The following MED1 variants were observed in gnomAD, a reference collection of about 807,000 sequenced individuals.
MED1 encodes the protein mediator of RNA polymerase II transcription subunit 1.
In MED1, 17 loss-of-function variants were observed where a neutral mutation model predicts 121.3. That is an observed-to-expected ratio of 0.14 (90% CI 0.10 to 0.21). MED1 has a LOEUF of 0.21. MED1 is among the 10% of genes least tolerant of loss of function. The pLI is 1.00. For missense variants in MED1, 1,558 were observed against 1,919.4 expected, an observed-to-expected ratio of 0.81 and a Z score of 3.52; for synonymous variants, 661 against 694.4, an observed-to-expected ratio of 0.95 and a Z score of 0.76.
At position 39,410,367 on chromosome 17, in the gene MED1, A is replaced by C. The variant is rs1283588211; in HGVS notation, c.1854T>G (p.Ile618Met). ...GATGAGGAGGGGTCGGACTCGAGCCAATGGTAGACCCCCCGTTCCCTGTGA... is the reference window on the plus strand; with the variant it reads ...GATGAGGAGGGGTCGGACTCGAGCCCATGGTAGACCCCCCGTTCCCTGTGA... The part of the protein sequence containing the change: ...LQITGNGGST[I>M]GSSPTPPHHT... Residue 618 changes from isoleucine (I) to methionine (M), a missense_variant, in exon 17 of 17, where the codon ATT becomes ATG. Coordinates refer to ENST00000300651, the MANE Select transcript of MED1 (RefSeq NM_004774.4). 4 of 1,613,998 alleles carry C rather than the reference A, an allele frequency of 2.5e-6. No individual in the cohort carries two copies. In the East Asian group the frequency reaches 8.9e-5, roughly 36 times the overall value.
At chr17:39,435,750 C>T (rs2048612266) in intron 6 of MED1, among the ~76,000 whole-genome samples, 1 of 151,956 alleles carries the variant, frequency 6.6e-6, no homozygotes, top group African/African-American at 2.4e-5. Context: ...GGCTGGAGTC[C>T]GATGGCGATG....
chr17:39,418,085 C>CAAAAAAAA (rs760116991), intron 14 of MED1, among the ~76,000 whole-genome samples: 11 of 55,628 alleles, frequency 2.0e-4, no homozygotes, highest in Non-Finnish European at 2.8e-4. Flanking sequence ...GACTCCGTCT[C>CAAAAAAAA]AAAAAAAAAA....
At chr17:39,416,480 ACTTT>A (rs1237909427) in intron 14 of MED1, among the ~76,000 whole-genome samples, 4 of 152,194 alleles carry the variant, frequency 2.6e-5, no homozygotes, top group African/African-American at 9.7e-5. Flanking sequence ...AGGATCATAT[ACTTT>A]CTTTGTAAAA....
chr17:39,433,546 T>TATATATATATATATATATATACATAC (rs540103395), intron 7 of MED1, among the ~76,000 whole-genome samples: 4 of 150,528 alleles, frequency 2.7e-5, no homozygotes, highest in Admixed American at 2.0e-4. Flanking sequence ...TATATATATA[T>TATATATATATATATATATATACATAC]ACACACATAT....
chr17:39,448,030 T>G (rs1186767926), intron 1 of MED1, 126 bp from the exon 2 acceptor site: 1 of 630,570 alleles, frequency 1.6e-6, no homozygotes, highest in Non-Finnish European at 2.7e-6. Context: ...TCCAAAATCA[T>G]TTTACTTCAA....
At chr17:39,413,349 G>A (rs2048374548) in intron 16 of MED1, among the ~76,000 whole-genome samples, 1 of 152,124 alleles carries the variant, frequency 6.6e-6, no homozygotes, top group Admixed American at 6.6e-5. Flanking sequence ...CGCAACCTCC[G>A]ATTCCCAGGT....
chr17:39,438,443 C>T (rs904953393), intron 6 of MED1, among the ~76,000 whole-genome samples: 18 of 150,748 alleles, frequency 1.2e-4, no homozygotes, highest in African/African-American at 3.7e-4. Context: ...CCCAGGTTCA[C>T]GCCATTCTCC....
chr17:39,435,159 CTG>C (rs1448086308), intron 6 of MED1, among the ~76,000 whole-genome samples: 1 of 152,058 alleles, frequency 6.6e-6, no homozygotes, highest in Middle Eastern at 3.2e-3. Context: ...CAGAGCAAGA[CTG>C]TGTGTCAAAA....
chr17:39,430,977 C>A (rs541582701), intron 9 of MED1, 138 bp downstream of exon 9: 9 of 710,356 alleles, frequency 1.3e-5, no homozygotes, highest in African/African-American at 3.6e-5. Context: ...CGAGATCATG[C>A]CACTGCACTC....
intron 11 of MED1, 106 bp from the exon 12 acceptor site, chr17:39,423,927 G>C (rs555749768): frequency 2.3e-6 from 3 of 1,303,142 alleles, no homozygotes; most frequent in Non-Finnish European, 2.1e-6. Context: ...TTAATGCCCA[G>C]GCTAGAGTGC....
At chr17:39,430,798 A>G (rs953382789) in intron 9 of MED1, among the ~76,000 whole-genome samples, 6 of 152,234 alleles carry the variant, frequency 3.9e-5, no homozygotes, top group Admixed American at 1.3e-4. Flanking sequence ...TAGGCCGATC[A>G]GTCGAGGCGA....
Position 39,409,486 on chromosome 17 carries a change from C to A in MED1, c.2735G>T (p.Gly912Val). 1 of 1,614,168 alleles carries A rather than the reference C, an allele frequency of 6.2e-7. No individual in the cohort carries two copies. The highest frequency in any genetic ancestry group is 8.5e-7 in the Non-Finnish European group (1 of 1,180,046). Reference sequence around the variant, plus strand: ...AAACTTGGTCTCCCCATTATCACCTCCAAGCATTGGCACCCCCAAAGTATT... The same window carrying A: ...AAACTTGGTCTCCCCATTATCACCTACAAGCATTGGCACCCCCAAAGTATT... The part of the protein sequence containing the change: ...ALNTLGVPML[G>V]GDNGETKFKG... Residue 912 changes from glycine to valine, a missense_variant, in exon 17 of 17, where the codon GGA becomes GTA. Coordinates refer to ENST00000300651, the MANE Select transcript of MED1 (RefSeq NM_004774.4).
At chr17:39,420,859 G>A (rs142908940) in intron 13 of MED1, among the ~76,000 whole-genome samples, 1,921 of 140,356 alleles carry the variant, frequency 0.014, 20 homozygotes, top group Non-Finnish European at 0.021. Context: ...GCAGTGGCAC[G>A]ATCTCTGCTC....
rs181714317 is a variant in MED1 at position 39,450,060 on chromosome 17, C to T, written c.25+978G>A. Among the ~76,000 whole-genome samples, 154 of 152,124 alleles carry T rather than the reference C, an allele frequency of 1.0e-3. No homozygotes were observed. The Middle Eastern group carries it at 0.01, about 10-fold the overall frequency. On this transcript the variant is annotated intron_variant, in intron 1 of 16. Coordinates refer to ENST00000300651, the MANE Select transcript of MED1 (RefSeq NM_004774.4). ...ATCTCCCAACCTCAGGTGATCCACC[C>T]GCCTCAACCTCCCAAAGTGCTGGGA...
At chr17:39,436,486 T>C (rs1378635275) in intron 6 of MED1, among the ~76,000 whole-genome samples, 3 of 151,994 alleles carry the variant, frequency 2.0e-5, no homozygotes, top group African/African-American at 7.2e-5. Flanking sequence ...CAAAACAAAG[T>C]GTATGTAATA....
At chr17:39,439,087 T>G in intron 6 of MED1, 78 bp downstream of exon 6, 1 of 1,297,864 alleles carries the variant, frequency 7.7e-7, no homozygotes, top group Admixed American at 2.4e-5. Flanking sequence ...GAGAATAACT[T>G]CTGACCAGTC....
intron 1 of MED1, among the ~76,000 whole-genome samples, chr17:39,450,061 G>A (rs1177363345): frequency 6.6e-6 from 1 of 150,418 alleles, no homozygotes; most frequent in East Asian, 2.0e-4. Context: ...TGATCCACCC[G>A]CCTCAACCTC....
rs2048296609 is a variant in MED1 at position 39,405,543 on chromosome 17, G to A, written c.*1932C>T. 4 of 1,361,214 alleles carry A rather than the reference G, an allele frequency of 2.9e-6. No homozygotes were observed. The highest frequency in any genetic ancestry group is 3.6e-5 in the South Asian group (2 of 55,640). The allele number at this position is 1,361,214 out of a possible 1,614,324, so 84.3% of individuals were successfully genotyped here. A position where few individuals can be genotyped will look rare whatever the true frequency, so the allele number is the denominator to read the frequency against. On this transcript the variant is annotated 3_prime_UTR_variant, in exon 17 of 17. Coordinates refer to ENST00000300651, the MANE Select transcript of MED1 (RefSeq NM_004774.4). ...CATGAGAAATCCAACCTGGCTGAAT[G>A]TCTGAGAGGCTGCTACTGTATCAAC...
At chr17:39,444,726 A>C (rs535645695) in intron 2 of MED1, among the ~76,000 whole-genome samples, 2 of 146,530 alleles carry the variant, frequency 1.4e-5, no homozygotes, top group African/African-American at 5.0e-5. Flanking sequence ...AAAATTAGCC[A>C]GGTGTGGTGG....
Sources: allele counts gnomAD v4.1 joint callset (sites outside exome capture counted in the v4.1 genomes callset), GRCh38; gene constraint gnomAD v4.1.1; transcripts MANE v1.5; gene names NCBI Gene and HGNC (gene_info 2026-07-23, HGNC 2026-07-21).